ENTHD1: variants seen among roughly 807,000 people sequenced by gnomAD.
ENTHD1 encodes the protein ENTH domain-containing protein 1.
A neutral mutation model predicts 39.1 loss-of-function variants in ENTHD1; 23 were observed. The ratio of observed to expected loss-of-function variants is 0.59; its 90% CI spans 0.42 to 0.83. The LOEUF is 0.83. Among genes scored for constraint, ENTHD1 ranks in the 40% least tolerant of loss-of-function variants. The pLI, the probability that ENTHD1 is intolerant of heterozygous loss-of-function variation, is 0.00. For missense variants in ENTHD1, 624 were observed against 705.4 expected (o/e 0.88, Z 1.31); for synonymous variants, 230 against 258.2 (o/e 0.89, Z 1.05).
Position 39,875,785 on chromosome 22 carries a change from G to A in ENTHD1, c.349+11615C>T. 4 of 1,613,472 alleles carry A rather than the reference G, an allele frequency of 2.5e-6. No individual in the cohort carries two copies. The South Asian group carries it at 4.4e-5, about 18-fold the overall frequency. On this transcript the variant is annotated intron_variant, in intron 2 of 6. Coordinates refer to ENST00000325157, the MANE Select transcript of ENTHD1 (RefSeq NM_152512.4). ...CCGATATTCCAGAAGGCAAGAACATGGCTTTCAAATGGAGAGGCAAACCCC... is the reference window on the plus strand; with the variant it reads ...CCGATATTCCAGAAGGCAAGAACATAGCTTTCAAATGGAGAGGCAAACCCC...
At chr22:39,866,640 C>T (rs890264857) in intron 2 of ENTHD1, among the ~76,000 whole-genome samples, 1 of 152,158 alleles carries the variant, frequency 6.6e-6, no homozygotes, top group Admixed American at 6.5e-5. Context: ...GGACAGTGAA[C>T]ACCCTCTCCC....
intron 3 of ENTHD1, among the ~76,000 whole-genome samples, chr22:39,850,107 C>A (rs1302181940): frequency 3.3e-5 from 5 of 152,034 alleles, no homozygotes; most frequent in Non-Finnish European, 7.4e-5. Flanking sequence ...TAACACATAT[C>A]ATCAATTATA....
chr22:39,824,881 G>A (rs1218929654), intron 4 of ENTHD1, among the ~76,000 whole-genome samples: 6 of 152,182 alleles, frequency 3.9e-5, no homozygotes, highest in African/African-American at 1.4e-4. Context: ...TTTCAAAATT[G>A]TTTTAGCTAT....
At chr22:39,817,094 G>A (rs914680337) in intron 5 of ENTHD1, among the ~76,000 whole-genome samples, 1 of 152,160 alleles carries the variant, frequency 6.6e-6, no homozygotes, top group African/African-American at 2.4e-5. Context: ...TTACCCAAGT[G>A]ATAAAAACAT....
At chr22:39,835,768 T>C in intron 4 of ENTHD1, 72 bp downstream of exon 4, 1 of 1,085,044 alleles carries the variant, frequency 9.2e-7, no homozygotes, top group Non-Finnish European at 1.4e-6. Context: ...CAGAAGATAA[T>C]AAATTTGTTT....
chr22:39,886,595 C>G (rs1272944385), intron 2 of ENTHD1, among the ~76,000 whole-genome samples: 1 of 152,104 alleles, frequency 6.6e-6, no homozygotes, highest in African/African-American at 2.4e-5. Context: ...GCATGCTTCC[C>G]AGAGAGAATG....
intron 1 of ENTHD1, among the ~76,000 whole-genome samples, chr22:39,891,211 C>G (rs1345195062): frequency 6.6e-6 from 1 of 152,182 alleles, no homozygotes; most frequent in African/African-American, 2.4e-5. Context: ...CTCCCCAGAA[C>G]CTGGTTAATT....
At chr22:39,881,354 A>G (rs1308718627) in intron 2 of ENTHD1, among the ~76,000 whole-genome samples, 1 of 152,224 alleles carries the variant, frequency 6.6e-6, no homozygotes, top group African/African-American at 2.4e-5. Flanking sequence ...TTATTTTTTC[A>G]GATTAACAAT....
At chr22:39,851,261 T>C (rs1272069613) in intron 3 of ENTHD1, among the ~76,000 whole-genome samples, 1 of 152,232 alleles carries the variant, frequency 6.6e-6, no homozygotes, top group African/African-American at 2.4e-5. Context: ...ATTACTTTCA[T>C]ATTTTCCATT....
At chr22:39,848,775 T>C (rs924317444) in intron 3 of ENTHD1, among the ~76,000 whole-genome samples, 2 of 152,198 alleles carry the variant, frequency 1.3e-5, no homozygotes, top group African/African-American at 4.8e-5. Context: ...TAAAAAATAA[T>C]GTGCACTTTT....
At chr22:39,892,003 A>C (rs2066431114) in intron 1 of ENTHD1, among the ~76,000 whole-genome samples, 2 of 152,210 alleles carry the variant, frequency 1.3e-5, no homozygotes. Context: ...ATATTAAAAA[A>C]ATAAATAAAT....
intron 3 of ENTHD1, among the ~76,000 whole-genome samples, chr22:39,839,426 T>C (rs1258852385): frequency 1.3e-5 from 2 of 152,164 alleles, no homozygotes; most frequent in African/African-American, 4.8e-5. Flanking sequence ...GAACAAGGCT[T>C]TGAAGGACGG....
At chr22:39,825,163 A>G (rs1238669996) in intron 4 of ENTHD1, among the ~76,000 whole-genome samples, 1 of 152,222 alleles carries the variant, frequency 6.6e-6, no homozygotes, top group Non-Finnish European at 1.5e-5. Flanking sequence ...AAGTATTTCA[A>G]TTTGGATTTA....
chr22:39,822,729 T>A (rs1046840288), intron 4 of ENTHD1, among the ~76,000 whole-genome samples: 1 of 152,232 alleles, frequency 6.6e-6, no homozygotes, highest in Non-Finnish European at 1.5e-5. Context: ...TCCTGGATAC[T>A]ACATAGTAGT....
intron 3 of ENTHD1, among the ~76,000 whole-genome samples, chr22:39,850,525 T>C (rs2066026501): frequency 6.6e-6 from 1 of 152,172 alleles, no homozygotes; most frequent in South Asian, 2.1e-4. Context: ...TCTATTACTA[T>C]TTACTGTGAT....
Position 39,872,687 on chromosome 22 carries a change from G to A in ENTHD1, c.350-10680C>T, listed in dbSNP as rs148342259. ...ATGAGCACATCCCTGAGTGTTGGAG[G>A]ATACAATGGGAGAGGATACAATGGG... On this transcript the variant is annotated intron_variant, in intron 2 of 6. Transcript: ENST00000325157. Among the ~76,000 whole-genome samples, 477 of 152,152 alleles carry A rather than the reference G, an allele frequency of 3.1e-3. 5 individuals are homozygous for A. Among genetic ancestry groups the A allele is most frequent in the Non-Finnish European group, 5.3e-3 (362 of 68,000 alleles).
intron 4 of ENTHD1, among the ~76,000 whole-genome samples, chr22:39,834,802 G>A (rs2065895630): frequency 6.6e-6 from 1 of 152,210 alleles, no homozygotes; most frequent in Non-Finnish European, 1.5e-5. Flanking sequence ...AAAAAGGGAT[G>A]CATTACTGAT....
chr22:39,891,930 T>A (rs73163080), intron 1 of ENTHD1, among the ~76,000 whole-genome samples: 3,927 of 150,650 alleles, frequency 0.026, 47 homozygotes, highest in Non-Finnish European at 0.033. Flanking sequence ...TCAAAAAAAA[T>A]TTTTTTTTTA....
intron 3 of ENTHD1, among the ~76,000 whole-genome samples, chr22:39,853,567 ATTC>A (rs1202541396): frequency 1.3e-5 from 2 of 151,954 alleles, no homozygotes; most frequent in African/African-American, 4.8e-5. Flanking sequence ...AAACACTTTT[ATTC>A]TTCTTCTTAT....
Sources: allele counts gnomAD v4.1 joint callset (sites outside exome capture counted in the v4.1 genomes callset), GRCh38; gene constraint gnomAD v4.1.1; transcripts MANE v1.5; gene names NCBI Gene and HGNC (gene_info 2026-07-23, HGNC 2026-07-21).